Variants in ARL6IP5 observed in about 807,000 individuals in gnomAD.
The protein encoded by ARL6IP5 is PRA1 family protein 3.
ARL6IP5 carries 6 observed loss-of-function variants against 13.0 expected under a neutral mutation model. The observed-to-expected ratio is 0.46, with a 90% confidence interval of 0.25 to 0.91. The LOEUF (loss-of-function observed/expected upper bound fraction) is 0.91, where lower values mean the gene tolerates loss of function less well. Ranked by LOEUF, ARL6IP5 falls within the 40% of genes least tolerant of loss-of-function variation. ARL6IP5 has a pLI of 0.17. For synonymous variants in ARL6IP5, 91 were observed against 91.9 expected, an observed-to-expected ratio of 0.99 and a Z score of 0.06; for missense variants, 208 against 248.8, an observed-to-expected ratio of 0.84 and a Z score of 1.10.
At chr3:69,088,304 C>T (rs994448106) in intron 1 of ARL6IP5, among the ~76,000 whole-genome samples, 2 of 152,186 alleles carry the variant, frequency 1.3e-5, no homozygotes, top group South Asian at 4.1e-4. Context: ...CATCTGGATC[C>T]TCCACAGACT....
chr3:69,103,313 C>T (rs1333448624), intron 2 of ARL6IP5, among the ~76,000 whole-genome samples: 2 of 152,164 alleles, frequency 1.3e-5, no homozygotes, highest in Admixed American at 1.3e-4. Flanking sequence ...AGTTAAGAGT[C>T]CTGATTTCTA....
chr3:69,098,105 C>T, intron 1 of ARL6IP5, among the ~76,000 whole-genome samples: 1 of 151,400 alleles, frequency 6.6e-6, no homozygotes, highest in East Asian at 1.9e-4. Flanking sequence ...GAAACAGAGT[C>T]TCACTCTGTC....
chr3:69,103,063 CT>C (rs1350843468), intron 2 of ARL6IP5, among the ~76,000 whole-genome samples: 1 of 152,166 alleles, frequency 6.6e-6, no homozygotes, highest in African/African-American at 2.4e-5. Flanking sequence ...AAATTATTTG[CT>C]TGTTTAGGGC....
rs2092307360 is a variant in ARL6IP5, at chr3:69,102,048, C to T, written c.386C>T (p.Pro129Leu). Reference sequence around the variant, plus strand: ...GTCTTTGTGTTTGGCATTACTTTTCCTTTGCTGTGTAAGTGAACTTGAGTT... The same window carrying T: ...GTCTTTGTGTTTGGCATTACTTTTCTTTTGCTGTGTAAGTGAACTTGAGTT... ...VMVFVFGITF[P>L]LLLMFIHASL... The change falls in exon 2 of 3, where the codon CCT (proline) becomes CTT (leucine). Residue 129 changes from proline to leucine, a missense_variant. Pro to Leu is a moderately conservative substitution (Grantham distance 98). Transcript: ENST00000273258. 1 of 1,613,882 alleles carries T rather than the reference C, an allele frequency of 6.2e-7. No individual in the cohort carries two copies. The highest frequency in any genetic ancestry group is 8.5e-7 in the Non-Finnish European group (1 of 1,179,930).
intron 1 of ARL6IP5, among the ~76,000 whole-genome samples, chr3:69,088,209 C>T (rs1310925412): frequency 2.0e-5 from 3 of 152,144 alleles, no homozygotes; most frequent in African/African-American, 7.2e-5. Context: ...GTCCTTGATT[C>T]CAGAACACTT....
intron 2 of ARL6IP5, among the ~76,000 whole-genome samples, chr3:69,103,492 A>AT (rs1323880978): frequency 2.0e-5 from 3 of 152,156 alleles, no homozygotes; most frequent in Non-Finnish European, 4.4e-5. Context: ...CCACATCTTT[A>AT]TTTTGTGGGT....
chr3:69,099,880 A>G (rs1443918294), intron 1 of ARL6IP5: 2 of 152,724 alleles, frequency 1.3e-5, no homozygotes, highest in Non-Finnish European at 2.9e-5. Context: ...TACACAGTGG[A>G]TTGGGGTGGG....
At position 69,091,189 on chromosome 3, in the gene ARL6IP5, G is replaced by A. The variant is rs575808912; in HGVS notation, c.176+5966G>A. ...CACTACAGCCTGGGTAACAGAGTGA[G>A]ACGCCGTGTAAAAAATAAATAAGTA... On this transcript the variant is annotated intron_variant, in intron 1 of 2. Coordinates refer to ENST00000273258, the MANE Select transcript of ARL6IP5 (RefSeq NM_006407.4). Among the ~76,000 whole-genome samples the A allele has an allele frequency of 6.6e-5, 10 of 152,280 alleles. No individual in the cohort carries two copies. The East Asian group carries it at 1.9e-3, about 29-fold the overall frequency.
intron 1 of ARL6IP5, among the ~76,000 whole-genome samples, chr3:69,099,501 G>A (rs1232919336): frequency 6.6e-6 from 1 of 152,130 alleles, no homozygotes; most frequent in Non-Finnish European, 1.5e-5. Flanking sequence ...ACCCATTCAG[G>A]TGTGAAAAGC....
chr3:69,104,776 G>T lies in ARL6IP5; in HGVS notation c.*140G>T. On this transcript the variant is annotated 3_prime_UTR_variant, in exon 3 of 3. Transcript: ENST00000273258. ...CTATGGCAGCATGCATGTATAGGCC[G>T]AACTATTATCAGCTCTGATGTTTCA... 1.1e-6 allele frequency: 1 copy of T among 939,398 alleles called. No individual in the cohort carries two copies. The highest frequency in any genetic ancestry group is 1.7e-6 in the Non-Finnish European group (1 of 600,982). The allele number at this position is 939,398 out of a possible 1,614,324, so 58.2% of individuals were successfully genotyped here. A position where few individuals can be genotyped will look rare whatever the true frequency, so the allele number is the denominator to read the frequency against.
rs189129559 is a variant in ARL6IP5 at position 69,104,758 on chromosome 3, A to C, written c.*122A>C. ...CACGTACCACCCAATTATCTATGGC[A>C]GCATGCATGTATAGGCCGAACTATT... On this transcript the variant is annotated 3_prime_UTR_variant, in exon 3 of 3. Transcript: ENST00000273258. 20 of 1,109,858 alleles carry C rather than the reference A, an allele frequency of 1.8e-5. No homozygotes were observed. In the Admixed American group the frequency reaches 2.3e-4, roughly 13 times the overall value. The allele number at this position is 1,109,858 out of a possible 1,614,324, so 68.8% of individuals were successfully genotyped here. A position where few individuals can be genotyped will look rare whatever the true frequency, so the allele number is the denominator to read the frequency against.
intron 1 of ARL6IP5, among the ~76,000 whole-genome samples, chr3:69,090,161 A>G (rs887702220): frequency 3.9e-5 from 6 of 152,242 alleles, no homozygotes; most frequent in African/African-American, 1.4e-4. Context: ...GGTAGAGGAA[A>G]AAAAGCGTAA....
intron 1 of ARL6IP5, among the ~76,000 whole-genome samples, chr3:69,091,575 G>T (rs1368243666): frequency 6.6e-6 from 1 of 151,936 alleles, no homozygotes; most frequent in Non-Finnish European, 1.5e-5. Context: ...GGGATGACAG[G>T]CGAGAGGTAT....
intron 1 of ARL6IP5, among the ~76,000 whole-genome samples, chr3:69,087,188 T>C (rs1251687563): frequency 3.3e-5 from 5 of 151,782 alleles, no homozygotes; most frequent in Non-Finnish European, 7.4e-5. Context: ...GCCTGGCTAA[T>C]TTTTTTTAGA....
chr3:69,104,363 A>G (rs1328751863), intron 2 of ARL6IP5, 101 bp from the exon 3 acceptor site: 1 of 1,246,096 alleles, frequency 8.0e-7, no homozygotes, highest in Non-Finnish European at 1.1e-6. Context: ...ACTGTGGCTA[A>G]CTAAGGCAGT....
At chr3:69,103,108 C>T (rs2092311386) in intron 2 of ARL6IP5, among the ~76,000 whole-genome samples, 1 of 152,210 alleles carries the variant, frequency 6.6e-6, no homozygotes, top group African/African-American at 2.4e-5. Context: ...TTTATGGATA[C>T]ATCCCATACC....
At chr3:69,101,758 ATTG>A in intron 1 of ARL6IP5, 78 bp from the exon 2 acceptor site, 1 of 1,204,344 alleles carries the variant, frequency 8.3e-7, no homozygotes, top group Non-Finnish European at 1.2e-6. Context: ...GTTCTCAATA[ATTG>A]TTTTTACTCC....
intron 1 of ARL6IP5, among the ~76,000 whole-genome samples, chr3:69,091,716 G>C (rs1575859215): frequency 1.1e-5 from 1 of 90,134 alleles, no homozygotes; most frequent in Non-Finnish European, 2.2e-5. Context: ...GGTAGTTTCT[G>C]TTTCCTTTCC....
chr3:69,102,710 T>C (rs2092309715), intron 2 of ARL6IP5, among the ~76,000 whole-genome samples: 1 of 152,220 alleles, frequency 6.6e-6, no homozygotes, highest in South Asian at 2.1e-4. Context: ...ATTCCTATTG[T>C]CCTGACACAG....
Sources: gnomAD v4.1 joint callset for allele counts (sites outside exome capture counted in the v4.1 genomes callset) on GRCh38, gnomAD v4.1.1 for gene constraint, MANE v1.5 for transcripts, NCBI Gene and HGNC (gene_info 2026-07-23, HGNC 2026-07-21) for gene names.